Variants in UNC5D observed in about 807,000 individuals in gnomAD.
The protein encoded by UNC5D is netrin receptor UNC5D.
In UNC5D, 39 loss-of-function variants were observed where a neutral mutation model predicts 105.4. That is an observed-to-expected ratio of 0.37 (90% CI 0.29 to 0.48). The LOEUF is 0.48. Ranked by LOEUF, UNC5D falls within the 20% of genes least tolerant of loss-of-function variation. The pLI is 0.98. For synonymous variants in UNC5D, 452 were observed against 450.4 expected (o/e 1.00, Z -0.04); for missense variants, 991 against 1,202.4 (o/e 0.82, Z 2.60).
In UNC5D at chr8:35,726,434, A is replaced by G. The variant is rs867715608; in HGVS notation, c.1586A>G (p.Tyr529Cys). The change falls in exon 10 of 17, where the codon TAC becomes TGC. Residue 529 changes from tyrosine (Y) to cysteine (C), a missense_variant. By Grantham distance (194) the Tyr-to-Cys change is radical. Transcript: ENST00000404895. The stretch of plus-strand genomic sequence containing the variant: ...ATGCATCCCAGAAATAAAATGCCCT[A>G]CATCCAAAATCTGTCATCACTCCCC... Reference protein sequence around the residue: ...STMHPRNKMPYIQNLSSLPTR... With the variant: ...STMHPRNKMPCIQNLSSLPTR... 1.2e-6 allele frequency: 2 copies of G among 1,614,200 alleles called. No homozygotes were observed. Among genetic ancestry groups the G allele is most frequent in the African/African-American group, 1.3e-5 (1 of 75,052 alleles).
intron 1 of UNC5D, among the ~76,000 whole-genome samples, chr8:35,535,178 T>C (rs186945560): frequency 1.3e-5 from 2 of 152,306 alleles, no homozygotes; most frequent in East Asian, 3.9e-4. Context: ...TGATGATAAA[T>C]AGCAAACTAT....
At chr8:35,508,261 T>C (rs1563484184) in intron 1 of UNC5D, among the ~76,000 whole-genome samples, 1 of 152,216 alleles carries the variant, frequency 6.6e-6, no homozygotes, top group Non-Finnish European at 1.5e-5. Context: ...ACAGTGACCT[T>C]GGGGAGTCTT....
At chr8:35,358,148 T>C (rs1801659762) in intron 1 of UNC5D, among the ~76,000 whole-genome samples, 1 of 152,202 alleles carries the variant, frequency 6.6e-6, no homozygotes, top group African/African-American at 2.4e-5. Context: ...CATTACTGGG[T>C]ATATACCCAA....
rs138243666 is a variant in UNC5D, at chr8:35,523,046, A to AT, written c.104-26236dup. Among the ~76,000 whole-genome samples the AT allele has an allele frequency of 9.7e-3, 1,343 of 138,842 alleles. 21 individuals are homozygous for AT. Among genetic ancestry groups the AT allele is most frequent in the African/African-American group, 0.03 (1,147 of 37,624 alleles). The allele number at this position is 138,842 out of a possible 152,430, so 91.1% of individuals were successfully genotyped here. Reference sequence around the variant, plus strand: ...TCTTCAACTGTGTGATTTAGGAACTATTTTTTTTTTAAATAATTACAGTGG... The same window carrying AT: ...TCTTCAACTGTGTGATTTAGGAACTATTTTTTTTTTTAAATAATTACAGTGG... On this transcript the variant is annotated intron_variant, in intron 1 of 16. Transcript: ENST00000404895.
intron 1 of UNC5D, among the ~76,000 whole-genome samples, chr8:35,383,761 T>C (rs1183594394): frequency 6.6e-6 from 1 of 152,176 alleles, no homozygotes; most frequent in Non-Finnish European, 1.5e-5. Flanking sequence ...GCAGCTAAGT[T>C]CATGTGTGTC....
intron 1 of UNC5D, among the ~76,000 whole-genome samples, chr8:35,289,221 C>T (rs1004571357): frequency 6.6e-6 from 1 of 151,946 alleles, no homozygotes; most frequent in Non-Finnish European, 1.5e-5. Flanking sequence ...TTACATTAGA[C>T]AAAATATAGT....
chr8:35,660,031 T>C (rs948879471), intron 4 of UNC5D, among the ~76,000 whole-genome samples: 2 of 152,202 alleles, frequency 1.3e-5, no homozygotes, highest in Non-Finnish European at 2.9e-5. Flanking sequence ...CACCTAGCCT[T>C]CATTTTCCCA....
chr8:35,315,654 C>T (rs909840890), intron 1 of UNC5D, among the ~76,000 whole-genome samples: 21 of 152,244 alleles, frequency 1.4e-4, no homozygotes, highest in African/African-American at 4.8e-4. Context: ...TTAAGGGGAG[C>T]GAAAGCATGT....
intron 4 of UNC5D, among the ~76,000 whole-genome samples, chr8:35,638,285 G>T (rs1420879737): frequency 6.6e-6 from 1 of 152,040 alleles, no homozygotes; most frequent in Non-Finnish European, 1.5e-5. Flanking sequence ...ACTAAAATTG[G>T]AGCGGTGTTT....
chr8:35,675,737 T>C (rs1825167618), intron 4 of UNC5D, among the ~76,000 whole-genome samples: 1 of 152,006 alleles, frequency 6.6e-6, no homozygotes, highest in Non-Finnish European at 1.5e-5. Context: ...TTAAAGCAGC[T>C]TTCTCCTCTT....
chr8:35,789,372 G>A (rs990751508), intron 16 of UNC5D, among the ~76,000 whole-genome samples: 1 of 151,002 alleles, frequency 6.6e-6, no homozygotes, highest in Non-Finnish European at 1.5e-5. Flanking sequence ...ACCATAAAGT[G>A]ACAGAGTATA....
At chr8:35,649,575 A>G (rs1440648438) in intron 4 of UNC5D, among the ~76,000 whole-genome samples, 1 of 152,198 alleles carries the variant, frequency 6.6e-6, no homozygotes, top group Non-Finnish European at 1.5e-5. Flanking sequence ...CACTATGAAG[A>G]TGGAAACATA....
intron 1 of UNC5D, among the ~76,000 whole-genome samples, chr8:35,427,374 T>A (rs1585817179): frequency 2.0e-5 from 3 of 152,218 alleles, no homozygotes; most frequent in Admixed American, 2.0e-4. Context: ...TTGGGTGGCA[T>A]CTTGCTAGAT....
rs375032826 is a variant in UNC5D at position 35,263,592 on chromosome 8, T to G, written c.103+27705T>G. Among the ~76,000 whole-genome samples the G allele has an allele frequency of 1.7e-3, 257 of 152,306 alleles. 9 individuals carry two copies. The South Asian group carries it at 0.048, about 28-fold the overall frequency. ...TTTTGTTTCTAAGTCATAATGGAGT[T>G]TTTCTAGCCACCTAATAATGAAGCC... On this transcript the variant is annotated intron_variant, in intron 1 of 16. Transcript: ENST00000404895.
intron 1 of UNC5D, among the ~76,000 whole-genome samples, chr8:35,500,817 C>T (rs947511930): frequency 3.9e-5 from 6 of 152,170 alleles, no homozygotes; most frequent in Non-Finnish European, 8.8e-5. Context: ...AGGCTGAATT[C>T]ACTGGATATT....
chr8:35,762,662 C>T (rs2131692990), intron 14 of UNC5D, among the ~76,000 whole-genome samples: 1 of 152,296 alleles, frequency 6.6e-6, no homozygotes, highest in South Asian at 2.1e-4. Context: ...CTGAGATCAC[C>T]TAAATCAGTT....
At chr8:35,619,338 C>T (rs371813657) in intron 4 of UNC5D, among the ~76,000 whole-genome samples, 2 of 152,202 alleles carry the variant, frequency 1.3e-5, no homozygotes, top group African/African-American at 4.8e-5. Context: ...TCGGCATGGT[C>T]AAAAGCATGC....
At chr8:35,501,317 C>G (rs1359142916) in intron 1 of UNC5D, among the ~76,000 whole-genome samples, 1 of 152,232 alleles carries the variant, frequency 6.6e-6, no homozygotes, top group East Asian at 1.9e-4. Context: ...GTTGGCCTCC[C>G]ACATGTTTGT....
At chr8:35,459,383 A>T (rs1808729499) in intron 1 of UNC5D, among the ~76,000 whole-genome samples, 1 of 152,174 alleles carries the variant, frequency 6.6e-6, no homozygotes, top group Non-Finnish European at 1.5e-5. Flanking sequence ...TTTCAATTTT[A>T]AAATTTTTGG....
Sources: allele counts gnomAD v4.1 joint callset (sites outside exome capture counted in the v4.1 genomes callset), GRCh38; gene constraint gnomAD v4.1.1; transcripts MANE v1.5; gene names NCBI Gene and HGNC (gene_info 2026-07-23, HGNC 2026-07-21).